YIPF1: variants seen among roughly 807,000 people sequenced by gnomAD.
YIPF1 encodes the protein Yip1 domain family member 1.
YIPF1 carries 22 observed loss-of-function variants against 37.0 expected under a neutral mutation model. The observed-to-expected ratio is 0.59, with a 90% CI of 0.42 to 0.85. The LOEUF (loss-of-function observed/expected upper bound fraction) is 0.85. Among genes scored for constraint, YIPF1 ranks in the 40% least tolerant of loss-of-function variants. The probability of loss-of-function intolerance (pLI) is 0.00; values close to 1 mark genes in which losing one functional copy is unlikely to be tolerated. For missense variants in YIPF1, 355 were observed against 373.1 expected (o/e 0.95, Z 0.40); for synonymous variants, 128 against 131.9 (o/e 0.97, Z 0.21).
At chr1:53,872,005 AGTGT>A (rs56411256) in intron 6 of YIPF1, among the ~76,000 whole-genome samples, 58 of 144,100 alleles carry the variant, frequency 4.0e-4, no homozygotes, top group African/African-American at 9.0e-4. Context: ...GTTGAGTGTC[AGTGT>A]GTGTGTGTGT....
intron 4 of YIPF1, among the ~76,000 whole-genome samples, chr1:53,879,023 A>G (rs1000198653): frequency 5.9e-5 from 9 of 152,270 alleles, no homozygotes; most frequent in Middle Eastern, 3.4e-3. Context: ...TCAACAGTAT[A>G]TAGAATTATG....
chr1:53,866,508 G>A (rs1650028619), intron 8 of YIPF1, 126 bp from the exon 9 acceptor site: 2 of 1,096,912 alleles, frequency 1.8e-6, no homozygotes, highest in African/African-American at 1.6e-5. Context: ...TGGTTTTTCA[G>A]TACAGGCTGG....
chr1:53,852,497 A>G (rs1332943558), intron 10 of YIPF1, among the ~76,000 whole-genome samples: 3 of 152,062 alleles, frequency 2.0e-5, no homozygotes. Flanking sequence ...GTTTTCTTCT[A>G]TTTGCTTGGA....
intron 2 of YIPF1, 107 bp downstream of exon 2, chr1:53,889,137 T>A (rs1364276844): frequency 4.3e-6 from 2 of 463,512 alleles, no homozygotes; most frequent in Non-Finnish European, 7.8e-6. Flanking sequence ...AAGCATCAGG[T>A]ATTATTAAAT....
intron 4 of YIPF1, among the ~76,000 whole-genome samples, chr1:53,880,692 T>G (rs1650466457): frequency 6.6e-6 from 1 of 152,184 alleles, no homozygotes; most frequent in South Asian, 2.1e-4. Context: ...CAAAACAGCA[T>G]GGTACTGGTA....
chr1:53,854,057 C>G (rs1649660966), intron 10 of YIPF1, among the ~76,000 whole-genome samples: 1 of 152,096 alleles, frequency 6.6e-6, no homozygotes, highest in Non-Finnish European at 1.5e-5. Context: ...AGAGGCCAGC[C>G]TGGCCAACAT....
At chr1:53,877,282 C>A (rs1372975045) in intron 6 of YIPF1, among the ~76,000 whole-genome samples, 1 of 152,228 alleles carries the variant, frequency 6.6e-6, no homozygotes, top group Admixed American at 6.5e-5. Flanking sequence ...ATGGTTTTCA[C>A]ACCAGGCTCC....
chr1:53,860,260 G>C, intron 9 of YIPF1, 107 bp from the exon 10 acceptor site: 1 of 962,288 alleles, frequency 1.0e-6, no homozygotes, highest in Non-Finnish European at 1.6e-6. Context: ...CAGCCCCTAA[G>C]TTCTTCCTAC....
chr1:53,877,438 G>A (rs1650362671), intron 6 of YIPF1, among the ~76,000 whole-genome samples: 1 of 152,190 alleles, frequency 6.6e-6, no homozygotes, highest in Non-Finnish European at 1.5e-5. Flanking sequence ...GCAAGAATGA[G>A]ATATGATCAA....
At chr1:53,888,150 C>T (rs7526726) in intron 3 of YIPF1, among the ~76,000 whole-genome samples, 90,748 of 152,008 alleles carry the variant, frequency 0.6, 27,753 homozygotes, top group East Asian at 0.85. Flanking sequence ...CGTCTGAACC[C>T]GGGAGGCAGA....
At chr1:53,865,127 G>A (rs879780177) in intron 9 of YIPF1, among the ~76,000 whole-genome samples, 1 of 152,116 alleles carries the variant, frequency 6.6e-6, no homozygotes, top group Non-Finnish European at 1.5e-5. Flanking sequence ...TCCCATATCT[G>A]ACTTCATTTT....
At chr1:53,872,044 C>CT (rs888884325) in intron 6 of YIPF1, among the ~76,000 whole-genome samples, 4,716 of 138,016 alleles carry the variant, frequency 0.034, 157 homozygotes, top group African/African-American at 0.09. Context: ...AAGGCTTTTT[C>CT]TTTTTTTTTT....
At chr1:53,858,183 A>G (rs565304629) in intron 10 of YIPF1, among the ~76,000 whole-genome samples, 2 of 152,170 alleles carry the variant, frequency 1.3e-5, no homozygotes, top group Admixed American at 1.3e-4. Flanking sequence ...TCGCATACCC[A>G]TGAGAAGAGA....
intron 8 of YIPF1, 151 bp from the exon 9 acceptor site, chr1:53,866,533 C>T: frequency 1.0e-6 from 1 of 975,772 alleles, no homozygotes. Context: ...ACACCACCAG[C>T]ATGTAGACTG....
chr1:53,873,301 G>A (rs1199482858), intron 6 of YIPF1, among the ~76,000 whole-genome samples: 1 of 152,184 alleles, frequency 6.6e-6, no homozygotes, highest in Non-Finnish European at 1.5e-5. Context: ...GGATGTGTAA[G>A]CTGGGATCTA....
At chr1:53,866,456 AG>A in intron 8 of YIPF1, 74 bp from the exon 9 acceptor site, 4 of 1,505,606 alleles carry the variant, frequency 2.7e-6, no homozygotes, top group Non-Finnish European at 3.6e-6. Context: ...ATGTTTACAA[AG>A]GCCCCTGAGC....
chr1:53,863,896 T>A (rs1367463634), intron 9 of YIPF1, among the ~76,000 whole-genome samples: 1 of 151,974 alleles, frequency 6.6e-6, no homozygotes, highest in African/African-American at 2.4e-5. Context: ...CGTGCCACCA[T>A]ACCTGGCTGA....
rs542182180 is a variant in YIPF1, at chr1:53,883,128, G to A, written c.180C>T (p.Asp60=). The A allele has an allele frequency of 3.5e-5, 55 of 1,575,360 alleles. No individual in the cohort carries two copies. In the South Asian group the frequency reaches 6.0e-4, roughly 17 times the overall value. The change falls in exon 4 of 11, where the codon GAC becomes GAT. Residue 60 remains aspartate, a synonymous_variant. Coordinates refer to ENST00000072644, the MANE Select transcript of YIPF1 (RefSeq NM_018982.5). The part of the protein sequence containing the change: ...EEDDELLGND[D]SDKTELLAGQ... Reference sequence around the variant, plus strand: ...AAGTTCAAACCTCAGTTTTGTCAGAGTCATCATTTCCCAGTAACTCATCAT... The same window carrying A: ...AAGTTCAAACCTCAGTTTTGTCAGAATCATCATTTCCCAGTAACTCATCAT...
At chr1:53,864,144 C>T (rs1649958140) in intron 9 of YIPF1, among the ~76,000 whole-genome samples, 1 of 152,222 alleles carries the variant, frequency 6.6e-6, no homozygotes, top group Admixed American at 6.5e-5. Flanking sequence ...GCCTCCTCTC[C>T]TGCCTCCTTC....
Sources: allele counts gnomAD v4.1 joint callset (sites outside exome capture counted in the v4.1 genomes callset), GRCh38; gene constraint gnomAD v4.1.1; transcripts MANE v1.5; gene names NCBI Gene and HGNC (gene_info 2026-07-23, HGNC 2026-07-21).